Variants in ARL8B observed in about 807,000 individuals in gnomAD.
ARL8B encodes ARF like GTPase 8B.
Under a neutral mutation model 30.6 loss-of-function variants are expected in ARL8B, and 9 were observed. That is an observed-to-expected ratio of 0.29 (90% CI 0.18 to 0.51). The LOEUF is 0.51. Ranked by LOEUF, ARL8B falls within the 20% of genes least tolerant of loss-of-function variation. ARL8B has a pLI of 0.97. For missense variants in ARL8B, 130 were observed against 227.2 expected (o/e 0.57, Z 2.75); for synonymous variants, 74 against 76.0 (o/e 0.97, Z 0.14).
At chr3:5,141,515 C>T (rs2054372873) in intron 1 of ARL8B, among the ~76,000 whole-genome samples, 1 of 152,202 alleles carries the variant, frequency 6.6e-6, no homozygotes, top group South Asian at 2.1e-4. Context: ...CTACATCCCA[C>T]TGCTAAGACT....
intron 1 of ARL8B, among the ~76,000 whole-genome samples, chr3:5,139,988 T>G (rs976309134): frequency 2.8e-4 from 19 of 67,904 alleles, no homozygotes; most frequent in Admixed American, 1.3e-3. Context: ...ATTAGTTTTG[T>G]TTTTTTTTTT....
chr3:5,122,951 C>T (rs1014843827), intron 1 of ARL8B, among the ~76,000 whole-genome samples: 42 of 152,184 alleles, frequency 2.8e-4, no homozygotes, highest in African/African-American at 9.2e-4. Context: ...GAGTTAAGTC[C>T]AGTCTGTCAC....
chr3:5,164,693 A>T (rs548904868), intron 1 of ARL8B, among the ~76,000 whole-genome samples: 22 of 152,330 alleles, frequency 1.4e-4, no homozygotes, highest in African/African-American at 4.8e-4. Flanking sequence ...TTGATACATC[A>T]TAGATTTTAC....
Position 5,178,830 on chromosome 3 carries a change from G to A in ARL8B, c.*117G>A. On this transcript the variant is annotated 3_prime_UTR_variant, in exon 7 of 7. Transcript: ENST00000256496. ...TAAACCCCAGAAATTGCCTTTTTCA[G>A]AGTTTATTTCTCATGTGCACTGCTG... The A allele has an allele frequency of 6.5e-7, 1 of 1,537,702 alleles. No homozygotes were observed. The highest frequency in any genetic ancestry group is 1.2e-5 in the South Asian group (1 of 84,474).
chr3:5,153,258 GTCCCACAAT>G (rs1372293937), intron 1 of ARL8B, among the ~76,000 whole-genome samples: 2 of 152,138 alleles, frequency 1.3e-5, no homozygotes, highest in Non-Finnish European at 2.9e-5. Context: ...CCTCTTTGAA[GTCCCACAAT>G]TCCCATGTGT....
At position 5,178,653 on chromosome 3, in the gene ARL8B, T is replaced by C. The variant is rs185881255; in HGVS notation, c.512-11T>C. On this transcript the variant is annotated splice_polypyrimidine_tract_variant and intron_variant, in intron 6 of 6. Coordinates refer to ENST00000256496, the MANE Select transcript of ARL8B (RefSeq NM_018184.3). ...AACTTTAATGTCTTCACTTTTCCCC[T>C]CTATCTTTAGATATCACACTTCAGT... The C allele has an allele frequency of 2.6e-4, 416 of 1,599,742 alleles. 2 individuals are homozygous for C. Among genetic ancestry groups the C allele is most frequent in the Non-Finnish European group, 3.4e-5 (40 of 1,174,568 alleles).
chr3:5,134,971 C>T (rs74902861), intron 1 of ARL8B, among the ~76,000 whole-genome samples: 20,584 of 152,060 alleles, frequency 0.14, 1,599 homozygotes, highest in East Asian at 0.27. Flanking sequence ...CCTTCACCTC[C>T]CAGAGTAGCT....
chr3:5,171,192 G>A (rs2054670854), intron 2 of ARL8B, among the ~76,000 whole-genome samples: 1 of 152,046 alleles, frequency 6.6e-6, no homozygotes, highest in South Asian at 2.1e-4. Flanking sequence ...GTTTCTTTAT[G>A]CTTGTTACCA....
At chr3:5,148,578 A>G (rs1477987627) in intron 1 of ARL8B, among the ~76,000 whole-genome samples, 1 of 151,860 alleles carries the variant, frequency 6.6e-6, no homozygotes, top group Non-Finnish European at 1.5e-5. Context: ...AGGGCTTTTT[A>G]TTAGGTTCTT....
At chr3:5,166,914 C>G (rs942777910) in intron 1 of ARL8B, among the ~76,000 whole-genome samples, 1 of 152,128 alleles carries the variant, frequency 6.6e-6, no homozygotes, top group Non-Finnish European at 1.5e-5. Context: ...GCATTCATCT[C>G]CTTGCTTACC....
chr3:5,167,338 T>C (rs1002485243), intron 1 of ARL8B, among the ~76,000 whole-genome samples: 1 of 152,182 alleles, frequency 6.6e-6, no homozygotes, highest in African/African-American at 2.4e-5. Flanking sequence ...CAGTTTCAGT[T>C]ACCTATGATC....
At chr3:5,146,691 C>T (rs2054421567) in intron 1 of ARL8B, among the ~76,000 whole-genome samples, 1 of 152,130 alleles carries the variant, frequency 6.6e-6, no homozygotes. Context: ...ACAATCAGGT[C>T]TCCACCCAGG....
At chr3:5,163,288 G>T (rs1292743787) in intron 1 of ARL8B, among the ~76,000 whole-genome samples, 1 of 152,170 alleles carries the variant, frequency 6.6e-6, no homozygotes, top group East Asian at 1.9e-4. Context: ...CGCCTGACCA[G>T]CTCCCACTTA....
chr3:5,126,859 A>T (rs935092611), intron 1 of ARL8B, among the ~76,000 whole-genome samples: 1 of 152,194 alleles, frequency 6.6e-6, no homozygotes, highest in African/African-American at 2.4e-5. Context: ...ATGTATATTG[A>T]GTAATCTTTA....
chr3:5,154,006 T>C (rs2054511236), intron 1 of ARL8B, among the ~76,000 whole-genome samples: 1 of 152,206 alleles, frequency 6.6e-6, no homozygotes, highest in South Asian at 2.1e-4. Context: ...ATTTCAATTG[T>C]TATTCTCTAA....
At chr3:5,132,365 C>T (rs1290736878) in intron 1 of ARL8B, among the ~76,000 whole-genome samples, 1 of 152,022 alleles carries the variant, frequency 6.6e-6, no homozygotes. Flanking sequence ...AGTGATTCTC[C>T]TGCCTCAGCC....
intron 1 of ARL8B, among the ~76,000 whole-genome samples, chr3:5,160,471 G>A (rs1181326715): frequency 6.6e-6 from 1 of 152,206 alleles, no homozygotes; most frequent in Non-Finnish European, 1.5e-5. Context: ...GTAGAGGTAA[G>A]CAAGAATGAG....
At chr3:5,169,660 G>A (rs537183481) in intron 1 of ARL8B, among the ~76,000 whole-genome samples, 28 of 151,440 alleles carry the variant, frequency 1.8e-4, no homozygotes, top group South Asian at 8.3e-4. Context: ...TGAGTCGAAC[G>A]TCTTTTCATG....
intron 1 of ARL8B, among the ~76,000 whole-genome samples, chr3:5,161,217 A>G (rs1258870338): frequency 1.3e-5 from 2 of 152,216 alleles, no homozygotes; most frequent in African/African-American, 4.8e-5. Context: ...ACCACTAGTT[A>G]TCTTGAAAAA....
Sources: allele counts gnomAD v4.1 joint callset (sites outside exome capture counted in the v4.1 genomes callset), GRCh38; gene constraint gnomAD v4.1.1; transcripts MANE v1.5; gene names NCBI Gene and HGNC (gene_info 2026-07-23, HGNC 2026-07-21).